The following TG variants were observed in gnomAD, a reference collection of about 807,000 sequenced individuals.
TG encodes the protein thyroglobulin.
Under a neutral mutation model 324.7 loss-of-function variants are expected in TG, and 270 were observed. The ratio of observed to expected loss-of-function variants is 0.83; its 90% CI spans 0.75 to 0.92. TG has a LOEUF of 0.92. TG is among the 40% of genes least tolerant of loss of function. The pLI is 0.00. For synonymous variants in TG, 1,401 were observed against 1,327.0 expected (o/e 1.06, Z -1.21); for missense variants, 3,591 against 3,456.4 (o/e 1.04, Z -0.98).
rs190979363 is a variant in TG at position 133,116,600 on chromosome 8, T to G, written c.7755-9T>G. ...TAACCAGACTCCCCCCATGTTCTCT[T>G]TTCACCAGGGACTACTTTATCATCT... On this transcript the variant is annotated splice_polypyrimidine_tract_variant and intron_variant, in intron 44 of 47. Transcript: ENST00000220616. The G allele has an allele frequency of 5.2e-3, 8,364 of 1,611,926 alleles. 30 individuals carry two copies. The highest frequency in any genetic ancestry group is 5.9e-3 in the Non-Finnish European group (6,998 of 1,177,938).
chr8:132,972,427 A>G (rs1205744973), intron 33 of TG, 171 bp from the exon 34 acceptor site: 2 of 718,892 alleles, frequency 2.8e-6, no homozygotes, highest in Non-Finnish European at 4.5e-6. Context: ...AGGCTCCTTG[A>G]GTTCAGGTAC....
At chr8:133,066,368 C>T (rs1010330559) in intron 41 of TG, among the ~76,000 whole-genome samples, 1 of 136,236 alleles carries the variant, frequency 7.3e-6, no homozygotes, top group Non-Finnish European at 1.6e-5. Context: ...TGGAACAAAA[C>T]AAAAGAAAAG....
intron 41 of TG, 79 bp downstream of exon 41, chr8:133,030,102 A>T (rs1231420133): frequency 3.3e-5 from 52 of 1,571,728 alleles, no homozygotes; most frequent in Middle Eastern, 1.9e-4. Flanking sequence ...GCAAAAGTCT[A>T]GTTGGCTTCA....
rs896931045 is a variant in TG, at chr8:133,031,212, T to A, written c.7239+1189T>A. On this transcript the variant is annotated intron_variant, in intron 41 of 47. Transcript: ENST00000220616. ...TAGGTGCCTCATATTAGTGTAATCA[T>A]GTAAGATTTGTCCTAATGTGTCTGG... is the stretch of plus-strand genomic sequence containing the variant. 3.9e-5 allele frequency among the ~76,000 whole-genome samples: 6 copies of A among 152,204 alleles called. No homozygotes were observed. In the South Asian group the frequency reaches 8.3e-4, roughly 21 times the overall value.
intron 28 of TG, among the ~76,000 whole-genome samples, chr8:132,962,330 A>T (rs1252930501): frequency 1.3e-5 from 2 of 152,104 alleles, no homozygotes; most frequent in African/African-American, 4.8e-5. Context: ...CTTGGAGAGG[A>T]TACGTGAAAT....
At chr8:133,033,389 A>G (rs982195839) in intron 41 of TG, among the ~76,000 whole-genome samples, 2 of 152,254 alleles carry the variant, frequency 1.3e-5, no homozygotes, top group South Asian at 4.1e-4. Flanking sequence ...GCAAACATGC[A>G]TCCTGTGGCT....
intron 41 of TG, chr8:133,040,323 G>A (rs1837980935): frequency 1.1e-5 from 7 of 619,440 alleles, no homozygotes; most frequent in African/African-American, 3.7e-5. Flanking sequence ...AAATGTAAGC[G>A]TGCCCTGGTA....
In TG at chr8:132,923,488, T is replaced by C. The variant is rs773400464; in HGVS notation, c.4679T>C (p.Leu1560Pro). The change falls in exon 22 of 48, where the codon CTT (leucine) becomes CCT (proline). Residue 1560 changes from leucine to proline, a missense_variant. Coordinates refer to ENST00000220616, the MANE Select transcript of TG (RefSeq NM_003235.5). Reference protein sequence around the residue: ...RLPWWETEAPLEDSQCLMMQK... With the variant: ...RLPWWETEAPPEDSQCLMMQK... ...CCATGGTGGGAAACAGAGGCCCCTC[T>C]TGAGGACTCACAGTGTTTGAGTAGG... is the stretch of plus-strand genomic sequence containing the variant. The C allele has an allele frequency of 1.1e-4, 177 of 1,613,892 alleles. No homozygotes were observed. Among genetic ancestry groups the C allele is most frequent in the Non-Finnish European group, 1.5e-4 (174 of 1,179,980 alleles).
chr8:132,897,691 C>G lies in TG; in HGVS notation c.3044C>G (p.Ser1015Trp). 1.2e-6 allele frequency: 2 copies of G among 1,614,222 alleles called. No homozygotes were observed. The highest frequency in any genetic ancestry group is 1.7e-6 in the Non-Finnish European group (2 of 1,180,044). ...AGACGCCGCTTTTCCCCGGACGACT[C>G]GGCTGGAGCATCCGCCCTTCTGCGG... is the stretch of plus-strand genomic sequence containing the variant. ...YQRRRFSPDD[S>W]AGASALLRSG... The change falls in exon 12 of 48, where the codon TCG (serine) becomes TGG (tryptophan). Residue 1015 changes from serine to tryptophan, a missense_variant. Physicochemically the swap from Ser to Trp is radical, Grantham distance 177. Coordinates refer to ENST00000220616, the MANE Select transcript of TG (RefSeq NM_003235.5).
intron 5 of TG, among the ~76,000 whole-genome samples, chr8:132,879,053 T>C (rs755538670): frequency 6.6e-6 from 1 of 152,258 alleles, no homozygotes; most frequent in African/African-American, 2.4e-5. Context: ...TGTTCCCTGA[T>C]GACAGTGAAT....
intron 23 of TG, among the ~76,000 whole-genome samples, chr8:132,930,672 T>G (rs1587452143): frequency 9.8e-5 from 12 of 122,854 alleles, no homozygotes; most frequent in Admixed American, 2.7e-4. Context: ...GCATCAAGAG[T>G]GAAACTCCGT....
intron 41 of TG, among the ~76,000 whole-genome samples, chr8:133,070,752 C>T (rs1478176585): frequency 6.6e-6 from 1 of 152,182 alleles, no homozygotes; most frequent in Admixed American, 6.5e-5. Context: ...GGTCTGCTGG[C>T]AAGACCAGAG....
At chr8:133,017,610 A>G in intron 37 of TG, 168 bp from the exon 38 acceptor site, 1 of 707,040 alleles carries the variant, frequency 1.4e-6, no homozygotes, top group East Asian at 2.7e-5. Context: ...TTTACATTGA[A>G]AACCTGACTA....
At chr8:132,939,015 G>A (rs1824019969) in intron 25 of TG, among the ~76,000 whole-genome samples, 1 of 137,112 alleles carries the variant, frequency 7.3e-6, no homozygotes, top group African/African-American at 2.8e-5. Flanking sequence ...TTGCACCACT[G>A]CACTCCAGCC....
At chr8:133,049,948 G>T (rs1334627419) in intron 41 of TG, 3 of 1,613,446 alleles carry the variant, frequency 1.9e-6, no homozygotes, top group Non-Finnish European at 2.5e-6. Flanking sequence ...TAACTCTCTC[G>T]ACCAGTGCTA....
chr8:133,103,118 G>A lies in TG; in HGVS notation c.7572+6745G>A, dbSNP rs575687495. 6.4e-5 allele frequency: 10 copies of A among 157,374 alleles called. No homozygotes were observed. In the East Asian group the frequency reaches 1.8e-3, roughly 29 times the overall value. 9.7% of individuals were successfully genotyped at this position (157,374 alleles called of 1,614,324 possible). On this transcript the variant is annotated intron_variant, in intron 43 of 47. Coordinates refer to ENST00000220616, the MANE Select transcript of TG (RefSeq NM_003235.5). ...CACTCAGGGACGGGAGGGTGTTAGG[G>A]TCTGAACCCAGGGCATCGCGGGGAC...
In TG at chr8:132,897,582, G is replaced by A. The variant is rs181268276; in HGVS notation, c.3002-67G>A. The A allele has an allele frequency of 2.5e-6, 4 of 1,605,478 alleles. No homozygotes were observed. The Admixed American group carries it at 6.7e-5, about 27-fold the overall frequency. On this transcript the variant is annotated intron_variant, in intron 11 of 47. Transcript: ENST00000220616. ...TGTTGGAACCAGGACATACGTGGTT[G>A]TTCTCAGCTACAGAGCCCACACAGA...
chr8:133,131,488 C>T (rs192673348), intron 45 of TG, among the ~76,000 whole-genome samples: 1 of 152,262 alleles, frequency 6.6e-6, no homozygotes, highest in African/African-American at 2.4e-5. Flanking sequence ...TCCAGTGATA[C>T]CATAAGTATC....
At chr8:132,973,286 C>T (rs1463067028) in intron 34 of TG, among the ~76,000 whole-genome samples, 1 of 152,172 alleles carries the variant, frequency 6.6e-6, no homozygotes, top group Non-Finnish European at 1.5e-5. Flanking sequence ...ACAATCAAGA[C>T]AATGTACCAC....
Sources: gnomAD v4.1 joint callset for allele counts (sites outside exome capture counted in the v4.1 genomes callset) on GRCh38, gnomAD v4.1.1 for gene constraint, MANE v1.5 for transcripts, NCBI Gene and HGNC (gene_info 2026-07-23, HGNC 2026-07-21) for gene names.